The following RFX1 variants were observed in gnomAD, a reference collection of about 807,000 sequenced individuals.
RFX1 encodes the protein regulatory factor X1.
A neutral mutation model predicts 119.6 loss-of-function variants in RFX1; 42 were observed. The ratio of observed to expected loss-of-function variants is 0.35; its 90% CI spans 0.27 to 0.45. The LOEUF (loss-of-function observed/expected upper bound fraction) is 0.45, where lower values mean the gene tolerates loss of function less well. RFX1 is among the 20% of genes least tolerant of loss of function. The pLI is 1.00. For synonymous variants in RFX1, 628 were observed against 618.5 expected (o/e 1.02, Z -0.23); for missense variants, 1,118 against 1,368.1 (o/e 0.82, Z 2.88).
At chr19:13,967,031 G>A (rs544644133) in intron 12 of RFX1, among the ~76,000 whole-genome samples, 20 of 152,278 alleles carry the variant, frequency 1.3e-4, no homozygotes, top group African/African-American at 4.6e-4. Context: ...AGTCCCGGCT[G>A]CAACACAGCA....
rs1974002183 is a variant in RFX1, at chr19:13,969,326, A to G, written c.1497-432T>C. Reference sequence around the variant, plus strand: ...CGTCATCGAGGTACGAGCACTGCAGACGGACCAGAACAACTGAAATAAGTC... The same window carrying G: ...CGTCATCGAGGTACGAGCACTGCAGGCGGACCAGAACAACTGAAATAAGTC... On this transcript the variant is annotated intron_variant, in intron 10 of 20. Transcript: ENST00000254325. The surrounding 1 kb of genome is among the most constrained non-coding windows in gnomAD (Gnocchi z 4.5). Among the ~76,000 whole-genome samples, 1 of 152,116 alleles carries G rather than the reference A, an allele frequency of 6.6e-6. No homozygotes were observed. The highest frequency in any genetic ancestry group is 2.4e-5 in the African/African-American group (1 of 41,410).
chr19:13,969,896 G>T lies in RFX1; in HGVS notation c.1496+98C>A. 7.8e-7 allele frequency: 1 copy of T among 1,282,918 alleles called. No individual in the cohort carries two copies. The highest frequency in any genetic ancestry group is 1.1e-6 in the Non-Finnish European group (1 of 934,620). The allele number at this position is 1,282,918 out of a possible 1,614,324, so 79.5% of individuals were successfully genotyped here. A position where few individuals can be genotyped will look rare whatever the true frequency, so the allele number is the denominator to read the frequency against. On this transcript the variant is annotated intron_variant, in intron 10 of 20. Coordinates refer to ENST00000254325, the MANE Select transcript of RFX1 (RefSeq NM_002918.5). The surrounding 1 kb of genome is among the most constrained non-coding windows in gnomAD (Gnocchi z 4.5). The stretch of plus-strand genomic sequence containing the variant: ...AGCCTCGCAGAGGCCGGCGGGACTG[G>T]GCTGGACTGGACTGCCTGAGATGAC...
chr19:13,981,551 G>A (rs144869901), intron 5 of RFX1, among the ~76,000 whole-genome samples: 2 of 152,256 alleles, frequency 1.3e-5, no homozygotes, highest in African/African-American at 4.8e-5. Flanking sequence ...AGCTGAGATC[G>A]CACCACTTCA....
At position 13,975,979 on chromosome 19, in the gene RFX1, T is replaced by C. The variant is rs991744957; in HGVS notation, c.929+2013A>G. 9.9e-5 allele frequency among the ~76,000 whole-genome samples: 15 copies of C among 152,278 alleles called. No homozygotes were observed. The South Asian group carries it at 2.3e-3, about 23-fold the overall frequency. ...GTGCAATCACACACACTATGATCAC[T>C]GAGAGAGGAATTCAGACAGAAGCAA... On this transcript the variant is annotated intron_variant, in intron 8 of 20. Transcript: ENST00000254325.
intron 18 of RFX1, 41 bp downstream of exon 18, chr19:13,963,497 T>C: frequency 6.5e-7 from 1 of 1,541,958 alleles, no homozygotes; most frequent in Non-Finnish European, 8.7e-7. Flanking sequence ...ACGCGGGGCC[T>C]TCCCTGGTGC....
At chr19:13,976,537 C>T (rs912273622) in intron 8 of RFX1, among the ~76,000 whole-genome samples, 10 of 152,174 alleles carry the variant, frequency 6.6e-5, no homozygotes, top group African/African-American at 2.4e-4. Context: ...GGGAAGAAGC[C>T]CCCTATGCAT....
chr19:13,963,116 G>A lies in RFX1; in HGVS notation c.2724+6C>T, dbSNP rs201438389. 6.0e-5 allele frequency: 96 copies of A among 1,610,662 alleles called. No individual in the cohort carries two copies. In the East Asian group the frequency reaches 1.9e-3, roughly 32 times the overall value. ...GCCCGCGCCCCCAGTGGCCCGCCTC[G>A]CGCACCTCGCCCATGACGGCGATGG... On this transcript the variant is annotated splice_donor_region_variant and intron_variant, in intron 19 of 20. Coordinates refer to ENST00000254325, the MANE Select transcript of RFX1 (RefSeq NM_002918.5).
rs772138336 is a variant in RFX1 at position 13,966,429 on chromosome 19, C to T, written c.1953G>A (p.Pro651=). 11 of 1,606,008 alleles carry T rather than the reference C, an allele frequency of 6.8e-6. No individual in the cohort carries two copies. The highest frequency in any genetic ancestry group is 4.5e-5 in the East Asian group (2 of 44,790). Reference sequence around the variant, plus strand: ...CGCCGGGCAGTACTCACACAGCCAGCGGTGGCGCCTCACTGGGCTGGCTGA... The same window carrying T: ...CGCCGGGCAGTACTCACACAGCCAGTGGTGGCGCCTCACTGGGCTGGCTGA... The part of the protein sequence containing the change: ...YNLSQPSEAP[P]LAVHDEAEKR... Residue 651 remains proline (P), a synonymous_variant, in exon 14 of 21, where the codon CCG becomes CCA. Transcript: ENST00000254325. This position sits in a 1 kb window ranked among gnomAD's most constrained non-coding sequence, Gnocchi z 6.3.
chr19:13,990,237 T>G lies in RFX1; in HGVS notation c.319+3288A>C, dbSNP rs1276889447. Among the ~76,000 whole-genome samples the G allele has an allele frequency of 6.6e-6, 1 of 151,462 alleles. No individual in the cohort carries two copies. The highest frequency in any genetic ancestry group is 2.4e-5 in the African/African-American group (1 of 41,164). ...TCCTTTGCTGACAAGGTCAGGGAGATGGGGAGAAGCAGCAGAGAGGACCAC... is the reference window on the plus strand; with the variant it reads ...TCCTTTGCTGACAAGGTCAGGGAGAGGGGGAGAAGCAGCAGAGAGGACCAC... On this transcript the variant is annotated intron_variant, in intron 2 of 20. Coordinates refer to ENST00000254325, the MANE Select transcript of RFX1 (RefSeq NM_002918.5). This position sits in a 1 kb window ranked among gnomAD's most constrained non-coding sequence, Gnocchi z 4.1.
chr19:13,967,907 G>A (rs1973956035), intron 12 of RFX1, among the ~76,000 whole-genome samples: 1 of 152,168 alleles, frequency 6.6e-6, no homozygotes, highest in Admixed American at 6.5e-5. Flanking sequence ...TGAGAGAAGA[G>A]GACCTGCCGT....
At chr19:13,994,930 A>ATATATATATG (rs1974955113) in intron 1 of RFX1, among the ~76,000 whole-genome samples, 2 of 117,000 alleles carry the variant, frequency 1.7e-5, no homozygotes, top group African/African-American at 6.7e-5. Context: ...ATATATATAT[A>ATATATATATG]TATATATAAT....
intron 8 of RFX1, among the ~76,000 whole-genome samples, chr19:13,975,250 G>C (rs1017913440): frequency 6.6e-6 from 1 of 151,716 alleles, no homozygotes; most frequent in African/African-American, 2.4e-5. Flanking sequence ...CCAACTACTC[G>C]GGAGACTGAG....
chr19:13,968,213 C>T lies in RFX1; in HGVS notation c.1732+352G>A, dbSNP rs538292722. ...AGGTTGCAGTGAGCTAGGATGGTGC[C>T]ACTGCACTCCAGCCTGGACGACAGA... On this transcript the variant is annotated intron_variant, in intron 12 of 20. Transcript: ENST00000254325. This position sits in a 1 kb window ranked among gnomAD's most constrained non-coding sequence, Gnocchi z 5.5. Among the ~76,000 whole-genome samples, 4 of 152,220 alleles carry T rather than the reference C, an allele frequency of 2.6e-5. No individual in the cohort carries two copies. The highest frequency in any genetic ancestry group is 9.6e-5 in the African/African-American group (4 of 41,528).
At chr19:13,999,331 G>C (rs1249671090) in intron 1 of RFX1, among the ~76,000 whole-genome samples, 2 of 152,270 alleles carry the variant, frequency 1.3e-5, no homozygotes, top group Non-Finnish European at 2.9e-5. Flanking sequence ...GCTGCTTATG[G>C]AGACTGTTTA....
rs527950367 is a variant in RFX1, at chr19:13,968,720, G to A, written c.1617-40C>T. 19 of 1,609,730 alleles carry A rather than the reference G, an allele frequency of 1.2e-5. No individual in the cohort carries two copies. Among genetic ancestry groups the A allele is most frequent in the African/African-American group, 4.0e-5 (3 of 75,046 alleles). On this transcript the variant is annotated intron_variant, in intron 11 of 20. Coordinates refer to ENST00000254325, the MANE Select transcript of RFX1 (RefSeq NM_002918.5). This position sits in a 1 kb window ranked among gnomAD's most constrained non-coding sequence, Gnocchi z 5.5. Reference sequence around the variant, plus strand: ...GCAGGTGGGCCGGCTGCTGGGGGCCGGCCTGTGTGCCCTTCCCCGCCTGCC... The same window carrying A: ...GCAGGTGGGCCGGCTGCTGGGGGCCAGCCTGTGTGCCCTTCCCCGCCTGCC...
rs1167365363 is a variant in RFX1, at chr19:13,963,863, C to T, written c.2356G>A (p.Val786Met). The T allele has an allele frequency of 4.5e-6, 7 of 1,545,030 alleles. No individual in the cohort carries two copies. Among genetic ancestry groups the T allele is most frequent in the South Asian group, 1.2e-5 (1 of 83,730 alleles). ...CCGCCCCGCCCCGCGCTCACCTGCA[C>T]GTTGGCGAAGTCCACGCGGTTGAGG... ...SDLNRVDFAN[V>M]QEQASWVCRC... The change falls in exon 17 of 21, where the codon GTG becomes ATG. Residue 786 changes from valine to methionine, a missense_variant. Val to Met is a conservative substitution (Grantham distance 21, BLOSUM62 1). Around this residue, in one of 5 missense-constraint regions of RFX1, gnomAD observed 338 missense variants for 508.9 expected, o/e 0.66. Transcript: ENST00000254325.
intron 1 of RFX1, among the ~76,000 whole-genome samples, chr19:13,998,995 G>A (rs1027167056): frequency 1.3e-5 from 2 of 152,188 alleles, no homozygotes; most frequent in African/African-American, 4.8e-5. Flanking sequence ...GGAGGTGGGA[G>A]ATCGAGGAAC....
intron 1 of RFX1, among the ~76,000 whole-genome samples, chr19:13,996,607 G>A (rs1202407244): frequency 1.3e-5 from 2 of 152,028 alleles, no homozygotes; most frequent in African/African-American, 2.4e-5. Context: ...GTAGGCTGCT[G>A]AAAGCCTCGA....
At chr19:13,982,511 C>T (rs930892382) in intron 4 of RFX1, among the ~76,000 whole-genome samples, 1 of 152,192 alleles carries the variant, frequency 6.6e-6, no homozygotes, top group African/African-American at 2.4e-5. Context: ...CCTTAAAACC[C>T]AATAGTCCTA....
Sources: allele counts gnomAD v4.1 joint callset (sites outside exome capture counted in the v4.1 genomes callset), GRCh38; gene constraint gnomAD v4.1.1; regional missense constraint gnomAD v4.1.1; non-coding constraint Gnocchi (gnomAD v3.1); transcripts MANE v1.5; gene names NCBI Gene and HGNC (gene_info 2026-07-23, HGNC 2026-07-21).